SCLT1: variants seen among roughly 807,000 people sequenced by gnomAD.
SCLT1 encodes sodium channel-associated protein 1.
In SCLT1, 78 loss-of-function variants were observed where a neutral mutation model predicts 112.8. The ratio of observed to expected loss-of-function variants is 0.69; its 90% CI spans 0.58 to 0.83. The LOEUF (loss-of-function observed/expected upper bound fraction) is 0.83, where lower values mean the gene tolerates loss of function less well. Ranked by LOEUF, SCLT1 falls within the 40% of genes least tolerant of loss-of-function variation. The pLI, the probability that SCLT1 is intolerant of heterozygous loss-of-function variation, is 0.00. For missense variants in SCLT1, 747 were observed against 770.4 expected, an observed-to-expected ratio of 0.97 and a Z score of 0.36; for synonymous variants, 257 against 254.7, an observed-to-expected ratio of 1.01 and a Z score of -0.09.
chr4:128,951,439 C>T (rs965104183), intron 14 of SCLT1, among the ~76,000 whole-genome samples: 1 of 152,100 alleles, frequency 6.6e-6, no homozygotes, highest in African/African-American at 2.4e-5. Context: ...CTGAAATTGT[C>T]ATTCTTTTTA....
At chr4:128,908,816 C>G (rs1368246185) in intron 18 of SCLT1, among the ~76,000 whole-genome samples, 2 of 152,200 alleles carry the variant, frequency 1.3e-5, no homozygotes, top group African/African-American at 4.8e-5. Context: ...TTCCATTCCT[C>G]TCTTTCTCAG....
At chr4:128,970,910 T>C (rs1440023875) in intron 9 of SCLT1, 1 of 153,078 alleles carries the variant, frequency 6.5e-6, no homozygotes, top group Non-Finnish European at 1.5e-5. Flanking sequence ...CCTTGATCAT[T>C]CCATAGACAC....
chr4:128,936,342 AT>A (rs1366596520), intron 18 of SCLT1, among the ~76,000 whole-genome samples: 3 of 151,854 alleles, frequency 2.0e-5, no homozygotes, highest in African/African-American at 7.3e-5. Flanking sequence ...GGGTCAGAGA[AT>A]TTTTTTTCAA....
chr4:129,070,491 T>C (rs1561049073), intron 2 of SCLT1, among the ~76,000 whole-genome samples: 2 of 151,952 alleles, frequency 1.3e-5, no homozygotes, highest in Admixed American at 6.6e-5. Flanking sequence ...TCTAGGAGGG[T>C]TGTATTTTTG....
At chr4:128,950,465 A>G (rs1213135245) in intron 14 of SCLT1, among the ~76,000 whole-genome samples, 2 of 152,308 alleles carry the variant, frequency 1.3e-5, no homozygotes, top group Non-Finnish European at 2.9e-5. Context: ...TATAATACTA[A>G]AGCAAACATT....
Position 129,032,394 on chromosome 4 carries a change from A to C in SCLT1, c.290+6647T>G, listed in dbSNP as rs1746803891. On this transcript the variant is annotated intron_variant, in intron 5 of 20. Coordinates refer to ENST00000281142, the MANE Select transcript of SCLT1 (RefSeq NM_144643.4). ...CCAAAACCATAAAAACCCTAGAAGA[A>C]AACCCAGGCAATACCATTCAGGACA... Among the ~76,000 whole-genome samples the C allele has an allele frequency of 2.0e-5, 3 of 152,188 alleles. No homozygotes were observed. In the South Asian group the frequency reaches 6.3e-4, roughly 32 times the overall value.
At chr4:128,886,232 T>C (rs1732884790) in intron 20 of SCLT1, among the ~76,000 whole-genome samples, 1 of 152,190 alleles carries the variant, frequency 6.6e-6, no homozygotes, top group Non-Finnish European at 1.5e-5. Context: ...TTAGAATGGA[T>C]GAATAACGTG....
At position 129,031,391 on chromosome 4, in the gene SCLT1, A is replaced by G. The variant is rs1403912205; in HGVS notation, c.290+7650T>C. 2.0e-5 allele frequency among the ~76,000 whole-genome samples: 3 copies of G among 152,142 alleles called. No individual in the cohort carries two copies. In the East Asian group the frequency reaches 5.8e-4, roughly 29 times the overall value. ...GCAAAAGCTGAAAGCGTTCCCTTAG[A>G]AAACTGGCACATTACAAGGATGCCC... On this transcript the variant is annotated intron_variant, in intron 5 of 20. Transcript: ENST00000281142.
chr4:129,029,095 C>T (rs1192011583), intron 5 of SCLT1, among the ~76,000 whole-genome samples: 1 of 152,116 alleles, frequency 6.6e-6, no homozygotes, highest in African/African-American at 2.4e-5. Context: ...TAAAGTAGTT[C>T]AACCCTTGTG....
chr4:129,072,374 T>C (rs987077408), intron 2 of SCLT1, among the ~76,000 whole-genome samples: 89 of 152,334 alleles, frequency 5.8e-4, no homozygotes, highest in African/African-American at 2.0e-3. Context: ...CAAGGAAGTT[T>C]TCCTCAATTA....
intron 18 of SCLT1, among the ~76,000 whole-genome samples, chr4:128,929,897 A>G (rs1228614878): frequency 6.6e-6 from 1 of 152,226 alleles, no homozygotes; most frequent in Non-Finnish European, 1.5e-5. Context: ...AGAGAAATCT[A>G]TTTCTCACTG....
chr4:129,089,476 C>A (rs1016595317), intron 1 of SCLT1, among the ~76,000 whole-genome samples: 1 of 152,140 alleles, frequency 6.6e-6, no homozygotes, highest in African/African-American at 2.4e-5. Context: ...GGATCTAGAA[C>A]CAGAAATACC....
At chr4:129,031,914 G>A (rs1400158671) in intron 5 of SCLT1, among the ~76,000 whole-genome samples, 1 of 152,056 alleles carries the variant, frequency 6.6e-6, no homozygotes, top group Non-Finnish European at 1.5e-5. Context: ...TTCCCATCAA[G>A]CTACCATTGA....
intron 12 of SCLT1, 45 bp from the exon 13 acceptor site, chr4:128,957,169 G>A: frequency 1.7e-6 from 2 of 1,183,240 alleles, no homozygotes; most frequent in Non-Finnish European, 2.5e-6. Context: ...ATTATTATTA[G>A]TAAAGATAAT....
At chr4:128,959,344 G>C (rs560122882) in intron 12 of SCLT1, among the ~76,000 whole-genome samples, 1 of 151,926 alleles carries the variant, frequency 6.6e-6, no homozygotes. Flanking sequence ...GACTACAGGG[G>C]ATGAAGATTA....
chr4:129,077,884 A>G (rs1009155786), intron 2 of SCLT1, among the ~76,000 whole-genome samples: 1 of 152,234 alleles, frequency 6.6e-6, no homozygotes, highest in Non-Finnish European at 1.5e-5. Context: ...ATGGCCAAGG[A>G]TATGGGCATT....
chr4:129,074,261 T>C (rs867750784), intron 2 of SCLT1, among the ~76,000 whole-genome samples: 9 of 152,196 alleles, frequency 5.9e-5, no homozygotes, highest in Non-Finnish European at 8.8e-5. Context: ...AAGGTAGTGA[T>C]AGAAAATATT....
chr4:129,083,872 C>T (rs796912106), intron 1 of SCLT1, among the ~76,000 whole-genome samples: 7 of 151,882 alleles, frequency 4.6e-5, no homozygotes, highest in African/African-American at 1.7e-4. Context: ...CCAAAGAAAG[C>T]CAAGTGGAGT....
intron 18 of SCLT1, among the ~76,000 whole-genome samples, chr4:128,932,557 T>G (rs1272341699): frequency 6.6e-6 from 1 of 152,072 alleles, no homozygotes; most frequent in Non-Finnish European, 1.5e-5. Context: ...GTCAAAAACA[T>G]GACAAGGATG....
Sources: gnomAD v4.1 joint callset for allele counts (sites outside exome capture counted in the v4.1 genomes callset) on GRCh38, gnomAD v4.1.1 for gene constraint, MANE v1.5 for transcripts, NCBI Gene and HGNC (gene_info 2026-07-23, HGNC 2026-07-21) for gene names.